The following RBM18 variants were observed in gnomAD, a reference collection of about 807,000 sequenced individuals.
RBM18 encodes probable RNA-binding protein 18.
In RBM18, 18 loss-of-function variants were observed where a neutral mutation model predicts 26.4. The ratio of observed to expected loss-of-function variants is 0.68; its 90% CI spans 0.47 to 1.01. The LOEUF (loss-of-function observed/expected upper bound fraction) is 1.01, where lower values mean the gene tolerates loss of function less well. Ranked by LOEUF, RBM18 falls within the 50% of genes least tolerant of loss-of-function variation. The pLI is 0.00. For synonymous variants in RBM18, 74 were observed against 81.1 expected (o/e 0.91, Z 0.47); for missense variants, 180 against 219.2 (o/e 0.82, Z 1.13).
At chr9:122,250,549 A>C (rs1425151980) in intron 3 of RBM18, among the ~76,000 whole-genome samples, 2 of 152,220 alleles carry the variant, frequency 1.3e-5, no homozygotes, top group African/African-American at 4.8e-5. Flanking sequence ...CAAATCTCAA[A>C]TACAGATTAA....
In RBM18 at chr9:122,245,323, T is replaced by G. The variant is rs373830841; in HGVS notation, c.346A>C (p.Asn116His). ...AGACTGATTGGAAGAATCTTATCAT[T>G]CTTGTTATGATCATATCTCTGAAAA... Reference protein sequence around the residue: ...AQVKRYDHNKNDKILPISLEP... With the variant: ...AQVKRYDHNKHDKILPISLEP... The change falls in exon 5 of 6, where the codon AAT (asparagine) becomes CAT (histidine). Residue 116 changes from asparagine (N) to histidine (H), a missense_variant. By Grantham distance (68) the Asn-to-His change is moderately conservative. Transcript: ENST00000417201. The G allele has an allele frequency of 6.2e-7, 1 of 1,608,178 alleles. No individual in the cohort carries two copies.
chr9:122,244,718 C>A (rs1436764371), intron 5 of RBM18, among the ~76,000 whole-genome samples: 1 of 152,232 alleles, frequency 6.6e-6, no homozygotes, highest in Admixed American at 6.5e-5. Context: ...CCACCTTCTA[C>A]TTCTGCTCAA....
rs1253957750 is a variant in RBM18, at chr9:122,241,562, A to C, written c.*322T>G. 1 of 201,894 alleles carries C rather than the reference A, an allele frequency of 5.0e-6. No homozygotes were observed. Among genetic ancestry groups the C allele is most frequent in the African/African-American group, 2.3e-5 (1 of 43,450 alleles). The allele number at this position is 201,894 out of a possible 1,614,324, so 12.5% of individuals were successfully genotyped here. A position where few individuals can be genotyped will look rare whatever the true frequency, so the allele number is the denominator to read the frequency against. Reference sequence around the variant, plus strand: ...TATTTTTAGTTTCCTGATTTAAATAATATTTTGTGTATTTGCCTTTTGCTC... The same window carrying C: ...TATTTTTAGTTTCCTGATTTAAATACTATTTTGTGTATTTGCCTTTTGCTC... On this transcript the variant is annotated 3_prime_UTR_variant, in exon 6 of 6. Transcript: ENST00000417201.
At chr9:122,257,249 C>T (rs1831712935) in intron 2 of RBM18, among the ~76,000 whole-genome samples, 1 of 152,162 alleles carries the variant, frequency 6.6e-6, no homozygotes, top group Non-Finnish European at 1.5e-5. Context: ...TCACGCCATT[C>T]TCCTGCCTCA....
chr9:122,263,183 A>T (rs562378767), intron 1 of RBM18, among the ~76,000 whole-genome samples: 1 of 152,330 alleles, frequency 6.6e-6, no homozygotes, highest in South Asian at 2.1e-4. Flanking sequence ...TGTAAAGTCT[A>T]GCACAGCAGT....
chr9:122,250,065 A>AT (rs1447030817), intron 3 of RBM18, among the ~76,000 whole-genome samples: 1 of 147,598 alleles, frequency 6.8e-6, no homozygotes, highest in Non-Finnish European at 1.5e-5. Flanking sequence ...GCAAGACCTT[A>AT]TTTAAAAAAA....
At position 122,247,539 on chromosome 9, in the gene RBM18, T is replaced by C; in HGVS notation, c.306A>G (p.Arg102=). Residue 102 remains arginine (R), a synonymous_variant, in exon 4 of 6, where the codon CGA becomes CGG. Coordinates refer to ENST00000417201, the MANE Select transcript of RBM18 (RefSeq NM_033117.4). ...KLALSKKLVV[R]WAHAQVKRYD... is the part of the protein sequence containing the mutation. The stretch of plus-strand genomic sequence containing the variant: ...GTACCTTTACTTGAGCATGTGCCCA[T>C]CGCACCACCAGCTTCTTGGACAGGG... 6.2e-7 allele frequency: 1 copy of C among 1,613,976 alleles called. No homozygotes were observed. Among genetic ancestry groups the C allele is most frequent in the Non-Finnish European group, 8.5e-7 (1 of 1,179,966 alleles).
chr9:122,246,385 T>C (rs867981888), intron 4 of RBM18, among the ~76,000 whole-genome samples: 3 of 152,148 alleles, frequency 2.0e-5, no homozygotes, highest in South Asian at 2.1e-4. Flanking sequence ...AAAAGATTTA[T>C]AGGAGAAGAG....
At chr9:122,242,339 CAG>C (rs532690974) in intron 5 of RBM18, among the ~76,000 whole-genome samples, 111 of 152,268 alleles carry the variant, frequency 7.3e-4, no homozygotes, top group African/African-American at 2.6e-3. Context: ...TAATGCTTGG[CAG>C]AGAGTAGGTA....
chr9:122,257,605 A>G (rs944644338), intron 2 of RBM18, among the ~76,000 whole-genome samples: 1 of 152,232 alleles, frequency 6.6e-6, no homozygotes, highest in Non-Finnish European at 1.5e-5. Context: ...ACAGGCACAC[A>G]CACATAGAAT....
chr9:122,243,254 G>A (rs1322404088), intron 5 of RBM18, among the ~76,000 whole-genome samples: 1 of 152,178 alleles, frequency 6.6e-6, no homozygotes, highest in African/African-American at 2.4e-5. Flanking sequence ...TTACAGGCAT[G>A]AGCCACTGCA....
At chr9:122,243,872 G>A (rs1466195972) in intron 5 of RBM18, 1 of 984,884 alleles carries the variant, frequency 1.0e-6, no homozygotes, top group Non-Finnish European at 1.2e-6. Context: ...AGGTCCTCTG[G>A]ATAAAAAAAT....
intron 1 of RBM18, among the ~76,000 whole-genome samples, 186 bp from the exon 2 acceptor site, chr9:122,261,694 G>C (rs1314212758): frequency 2.0e-5 from 3 of 152,234 alleles, no homozygotes. Flanking sequence ...CTGGCAGCCA[G>C]GGCACACAAG....
chr9:122,259,216 C>G (rs1831747396), intron 2 of RBM18, among the ~76,000 whole-genome samples: 4 of 152,168 alleles, frequency 2.6e-5, no homozygotes, highest in Admixed American at 2.6e-4. Context: ...TCCCGTCAAG[C>G]AGCAGGACAC....
chr9:122,246,755 C>T (rs1831512323), intron 4 of RBM18, among the ~76,000 whole-genome samples: 1 of 152,118 alleles, frequency 6.6e-6, no homozygotes, highest in Admixed American at 6.5e-5. Context: ...ATGCTTAGAG[C>T]TAAAGATTTC....
chr9:122,257,441 G>A (rs991751418), intron 2 of RBM18, among the ~76,000 whole-genome samples: 4 of 152,122 alleles, frequency 2.6e-5, no homozygotes, highest in African/African-American at 9.7e-5. Flanking sequence ...ACCCCACCGC[G>A]CCCAGCCAAT....
intron 3 of RBM18, among the ~76,000 whole-genome samples, chr9:122,249,726 CA>C (rs1184643663): frequency 6.6e-6 from 1 of 150,592 alleles, no homozygotes; most frequent in Non-Finnish European, 1.5e-5. Flanking sequence ...AAAACAACAA[CA>C]AAAAGAATTC....
Position 122,257,599 on chromosome 9 carries a change from GCA to G in RBM18, c.113+3779_113+3780del, listed in dbSNP as rs1050279050. Among the ~76,000 whole-genome samples, 29 of 152,034 alleles carry G rather than the reference GCA, an allele frequency of 1.9e-4. 1 individual carries two copies. ...CAGGACTCAGATTAATAACCAACAG[GCA>G]CACACACATAGAATGACTAGAAATA... On this transcript the variant is annotated intron_variant, in intron 2 of 5. Transcript: ENST00000417201.
intron 2 of RBM18, among the ~76,000 whole-genome samples, chr9:122,258,258 GTTCTTTCTTTCT>G (rs111604544): frequency 2.6e-5 from 4 of 151,886 alleles, no homozygotes; most frequent in African/African-American, 9.7e-5. Flanking sequence ...ATGATTGGTA[GTTCTTTCTTTCT>G]TTCTTTCTTT....
Sources: allele counts gnomAD v4.1 joint callset (sites outside exome capture counted in the v4.1 genomes callset), GRCh38; gene constraint gnomAD v4.1.1; transcripts MANE v1.5; gene names NCBI Gene and HGNC (gene_info 2026-07-23, HGNC 2026-07-21).